MPP4: variants seen among roughly 807,000 people sequenced by gnomAD.
MPP4 encodes the protein MAGUK p55 scaffold protein 4, also known as MAGUK p55 subfamily member 4.
Under a neutral mutation model 98.3 loss-of-function variants are expected in MPP4, and 91 were observed. That is an observed-to-expected ratio of 0.93 (90% CI 0.78 to 1.10). The LOEUF is 1.10. MPP4 is among the 50% of genes least tolerant of loss of function. The pLI is 0.00. For missense variants in MPP4, 744 were observed against 792.9 expected (o/e 0.94, Z 0.74); for synonymous variants, 261 against 271.8 (o/e 0.96, Z 0.39).
chr2:201,649,678 C>A lies in MPP4; in HGVS notation c.1482G>T (p.Leu494=). The change falls in exon 20 of 22, where the codon CTG becomes CTT. Residue 494 remains leucine, a synonymous_variant. Coordinates refer to ENST00000409474, the MANE Select transcript of MPP4 (RefSeq NM_033066.3). ...GGTGGCCTTTGTACTCACCATACTCCAGCATCCTGCAAGAGCAGGCCAAAC... is the reference window on the plus strand; with the variant it reads ...GGTGGCCTTTGTACTCACCATACTCAAGCATCCTGCAAGAGCAGGCCAAAC... ...FENLIYSHRM[L]EYGEYKGHLY... 1 of 1,607,256 alleles carries A rather than the reference C, an allele frequency of 6.2e-7. No homozygotes were observed. The highest frequency in any genetic ancestry group is 2.2e-5 in the East Asian group (1 of 44,834).
chr2:201,651,946 C>T (rs1381804292), intron 18 of MPP4: 2 of 811,650 alleles, frequency 2.5e-6, no homozygotes, highest in Middle Eastern at 6.1e-4. Context: ...CAGTGAGACT[C>T]CATCTCAAAC....
chr2:201,648,995 C>T (rs181740430), intron 20 of MPP4, among the ~76,000 whole-genome samples: 238 of 152,158 alleles, frequency 1.6e-3, no homozygotes, highest in African/African-American at 5.3e-3. Flanking sequence ...ACCCGGGAAG[C>T]GGAGGTTGCA....
chr2:201,696,311 T>C (rs1450390599), intron 1 of MPP4, among the ~76,000 whole-genome samples: 4 of 152,208 alleles, frequency 2.6e-5, no homozygotes, highest in Non-Finnish European at 1.5e-5. Context: ...TATTGAATCA[T>C]TTAGCATCAC....
chr2:201,690,872 T>C (rs1559019313), intron 3 of MPP4, among the ~76,000 whole-genome samples: 1 of 152,210 alleles, frequency 6.6e-6, no homozygotes, highest in Non-Finnish European at 1.5e-5. Flanking sequence ...CCCTTGGGAA[T>C]TTTTTTCCAT....
rs1222763551 is a variant in MPP4 at position 201,664,135 on chromosome 2, G to A, written c.1052-34C>T. 4 of 1,528,008 alleles carry A rather than the reference G, an allele frequency of 2.6e-6. No homozygotes were observed. The South Asian group carries it at 4.9e-5, about 19-fold the overall frequency. 94.7% of individuals were successfully genotyped at this position (1,528,008 alleles called of 1,614,324 possible). A position where few individuals can be genotyped will look rare whatever the true frequency, so the allele number is the denominator to read the frequency against. The stretch of plus-strand genomic sequence containing the variant: ...TTTCATGGAGGCAAAAATCAAAAAT[G>A]TTATTACATGACCATCTACACTGAG... On this transcript the variant is annotated intron_variant, in intron 13 of 21. Transcript: ENST00000409474.
intron 11 of MPP4, 44 bp from the exon 12 acceptor site, chr2:201,669,794 AC>A: frequency 1.5e-6 from 2 of 1,342,406 alleles, no homozygotes; most frequent in Non-Finnish European, 1.9e-6. Flanking sequence ...TAAAAAGAAC[AC>A]AGTATCTGTA....
intron 21 of MPP4, among the ~76,000 whole-genome samples, chr2:201,646,085 C>T (rs1379242885): frequency 1.3e-5 from 2 of 152,110 alleles, no homozygotes; most frequent in African/African-American, 2.4e-5. Context: ...CTTAATGTCT[C>T]GTCATGTTTT....
rs541804705 is a variant in MPP4, at chr2:201,666,503, C to A, written c.1013-131G>T. On this transcript the variant is annotated intron_variant, in intron 12 of 21. Coordinates refer to ENST00000409474, the MANE Select transcript of MPP4 (RefSeq NM_033066.3). ...TGGGAGGCCGAGGCGGGCGGATCAC[C>A]TGAGATCAAGAGTTCGAGACCAACT... 5.6e-4 allele frequency: 347 copies of A among 620,690 alleles called. 4 individuals are homozygous for A. Among genetic ancestry groups the A allele is most frequent in the South Asian group, 3.3e-3 (136 of 41,470 alleles). 38.4% of individuals were successfully genotyped at this position (620,690 alleles called of 1,614,324 possible).
chr2:201,688,136 A>T (rs1269169397), intron 4 of MPP4, among the ~76,000 whole-genome samples: 1 of 152,204 alleles, frequency 6.6e-6, no homozygotes, highest in South Asian at 2.1e-4. Context: ...TGAGAGCAGA[A>T]GTTTTTTCTT....
At chr2:201,692,819 C>G (rs1689075795) in intron 3 of MPP4, 89 bp downstream of exon 3, 2 of 1,519,770 alleles carry the variant, frequency 1.3e-6, no homozygotes, top group African/African-American at 1.4e-5. Flanking sequence ...ATTCCACTAT[C>G]CAGCCTGAAT....
intron 16 of MPP4, among the ~76,000 whole-genome samples, chr2:201,657,769 C>T (rs777205575): frequency 1.6e-4 from 25 of 151,686 alleles, no homozygotes; most frequent in Non-Finnish European, 4.4e-5. Context: ...TGGCAGCTGC[C>T]CTCTTGATTT....
chr2:201,657,832 C>A lies in MPP4; in HGVS notation c.1129+645G>T, dbSNP rs114398228. Among the ~76,000 whole-genome samples, 119 of 152,094 alleles carry A rather than the reference C, an allele frequency of 7.8e-4. 1 individual carries two copies. The highest frequency in any genetic ancestry group is 2.7e-3 in the African/African-American group (114 of 41,490). On this transcript the variant is annotated intron_variant, in intron 16 of 21. Coordinates refer to ENST00000409474, the MANE Select transcript of MPP4 (RefSeq NM_033066.3). Reference sequence around the variant, plus strand: ...GCTACCATTGTCCCCTGCACAGATGCCTTCTTCACCCTGCTCATGCTCCTT... The same window carrying A: ...GCTACCATTGTCCCCTGCACAGATGACTTCTTCACCCTGCTCATGCTCCTT...
At chr2:201,655,385 C>T (rs952246596) in intron 17 of MPP4, among the ~76,000 whole-genome samples, 4 of 152,206 alleles carry the variant, frequency 2.6e-5, no homozygotes, top group Non-Finnish European at 5.9e-5. Context: ...GCAGGGCCGA[C>T]TTCATGGGTA....
At chr2:201,676,332 G>C (rs1688505818) in intron 10 of MPP4, among the ~76,000 whole-genome samples, 1 of 152,198 alleles carries the variant, frequency 6.6e-6, no homozygotes, top group Non-Finnish European at 1.5e-5. Flanking sequence ...TTAGCAGCAG[G>C]AGGCATCTAT....
Position 201,649,568 on chromosome 2 carries a change from G to A in MPP4, c.1584+8C>T. On this transcript the variant is annotated splice_region_variant and intron_variant, in intron 20 of 21. Transcript: ENST00000409474. Reference sequence around the variant, plus strand: ...TTTGGGGACATAAATATTCCACCATGGACCCACCTGAGGCTCTAGGTCCAT... The same window carrying A: ...TTTGGGGACATAAATATTCCACCATAGACCCACCTGAGGCTCTAGGTCCAT... The A allele has an allele frequency of 1.3e-6, 2 of 1,584,420 alleles. No homozygotes were observed. The highest frequency in any genetic ancestry group is 1.7e-6 in the Non-Finnish European group (2 of 1,162,716).
intron 17 of MPP4, 22 bp downstream of exon 17, chr2:201,656,176 G>A (rs768141110): frequency 5.7e-6 from 9 of 1,576,978 alleles, no homozygotes; most frequent in African/African-American, 1.3e-5. Flanking sequence ...GAGGAGGAGA[G>A]ACAGTGCATG....
At chr2:201,678,741 T>C (rs1377607988) in intron 10 of MPP4, among the ~76,000 whole-genome samples, 1 of 152,090 alleles carries the variant, frequency 6.6e-6, no homozygotes, top group African/African-American at 2.4e-5. Flanking sequence ...GGTGTGTCCT[T>C]GCTTCTCACT....
rs1687675778 is a variant in MPP4, at chr2:201,650,117, T to C, written c.1430A>G (p.His477Arg). ...TTCAAATGTTTCCTTGGACACATAG[T>C]GATACTCACGCCCATTCATTTCGTA... The part of the protein sequence containing the change: ...KSYEMNGREY[H>R]YVSKETFENL... Residue 477 changes from histidine (H) to arginine (R), a missense_variant, in exon 19 of 22, where the codon CAC (histidine) becomes CGC (arginine). Physicochemically the swap from His to Arg is conservative, Grantham distance 29. Coordinates refer to ENST00000409474, the MANE Select transcript of MPP4 (RefSeq NM_033066.3). The C allele has an allele frequency of 6.3e-7, 1 of 1,581,676 alleles. No individual in the cohort carries two copies. The highest frequency in any genetic ancestry group is 8.6e-7 in the Non-Finnish European group (1 of 1,161,654).
rs373439464 is a variant in MPP4, at chr2:201,650,133, T to C, written c.1414A>G (p.Asn472Asp). 7 of 1,579,362 alleles carry C rather than the reference T, an allele frequency of 4.4e-6. No individual in the cohort carries two copies. The highest frequency in any genetic ancestry group is 1.3e-5 in the African/African-American group (1 of 74,544). ...TTRTKKSYEM[N>D]GREYHYVSKE... ...GACACATAGTGATACTCACGCCCAT[T>C]CATTTCGTAACTCTTTTTAGTACGA... Residue 472 changes from asparagine (N) to aspartate (D), a missense_variant, in exon 19 of 22, where the codon AAT becomes GAT. By Grantham distance (23) the Asn-to-Asp change is conservative (BLOSUM62 1). Transcript: ENST00000409474.
Sources: gnomAD v4.1 joint callset for allele counts (sites outside exome capture counted in the v4.1 genomes callset) on GRCh38, gnomAD v4.1.1 for gene constraint, MANE v1.5 for transcripts, NCBI Gene and HGNC (gene_info 2026-07-23, HGNC 2026-07-21) for gene names.